KRT73: variants seen among roughly 807,000 people sequenced by gnomAD.
The protein encoded by KRT73 is keratin, type II cytoskeletal 73.
Under a neutral mutation model 47.2 loss-of-function variants are expected in KRT73, and 44 were observed. The observed-to-expected ratio is 0.93, with a 90% CI of 0.73 to 1.20. The LOEUF is 1.20. Among genes scored for constraint, KRT73 ranks in the 50% most tolerant of loss-of-function variants. The probability of loss-of-function intolerance (pLI) is 0.00; values close to 1 mark genes in which losing one functional copy is unlikely to be tolerated. For synonymous variants in KRT73, 285 were observed against 291.3 expected (o/e 0.98, Z 0.22); for missense variants, 713 against 704.5 (o/e 1.01, Z -0.14).
chr12:52,620,109 CTTTT>C (rs10638831), upstream of KRT73, among the ~76,000 whole-genome samples: 3 of 94,428 alleles, frequency 3.2e-5, no homozygotes, highest in East Asian at 2.8e-4. Flanking sequence ...TCCTTTTTTT[CTTTT>C]TTTTTTTTTT....
chr12:52,610,535 TC>T (rs372663689), intron 7 of KRT73, 79 bp downstream of exon 7: 9 of 203,996 alleles, frequency 4.4e-5, no homozygotes, highest in East Asian at 1.6e-4. Flanking sequence ...CGCCGCCCCC[TC>T]CCCCCCGCCC....
In KRT73 at chr12:52,618,203, T is replaced by C. The variant is rs768983328; in HGVS notation, c.322A>G (p.Thr108Ala). ...LCPPGGIHQV[T>A]INKSLLAPLN... is the part of the protein sequence containing the mutation. Reference sequence around the variant, plus strand: ...GGTGCCAGGAGGCTCTTGTTGATGGTGACCTGATGGATACCCCCGGGCGGG... The same window carrying C: ...GGTGCCAGGAGGCTCTTGTTGATGGCGACCTGATGGATACCCCCGGGCGGG... The change falls in exon 1 of 9, where the codon ACC becomes GCC. Residue 108 changes from threonine (T) to alanine (A), a missense_variant. Thr to Ala is a moderately conservative substitution (Grantham distance 58). Coordinates refer to ENST00000305748, the MANE Select transcript of KRT73 (RefSeq NM_175068.3). 4.3e-6 allele frequency: 7 copies of C among 1,613,938 alleles called. No individual in the cohort carries two copies. The highest frequency in any genetic ancestry group is 1.3e-5 in the African/African-American group (1 of 74,892).
At chr12:52,617,638 GC>G (rs1232335829) in intron 1 of KRT73, among the ~76,000 whole-genome samples, 2 of 152,154 alleles carry the variant, frequency 1.3e-5, no homozygotes, top group African/African-American at 4.8e-5. Flanking sequence ...CCTTCGCCTA[GC>G]TTCTAAGTCT....
chr12:52,614,584 C>G lies in KRT73; in HGVS notation c.814G>C (p.Glu272Gln), dbSNP rs777696701. 8.1e-6 allele frequency: 13 copies of G among 1,613,506 alleles called. No individual in the cohort carries two copies. In the South Asian group the frequency reaches 1.4e-4, roughly 18 times the overall value. Residue 272 changes from glutamate (E) to glutamine (Q), a missense_variant, in exon 4 of 9, where the codon GAG becomes CAG. By Grantham distance (29) the Glu-to-Gln change is conservative. Coordinates refer to ENST00000305748, the MANE Select transcript of KRT73 (RefSeq NM_175068.3). ...GEIKFFKCLYEGETAQIQSHI... is the reference protein window; with the variant it reads ...GEIKFFKCLYQGETAQIQSHI... Reference sequence around the variant, plus strand: ...TGGGGCAGGGGGAGCCTTACCCCCTCGTACAGACACTTGAAGAACTTGATT... The same window carrying G: ...TGGGGCAGGGGGAGCCTTACCCCCTGGTACAGACACTTGAAGAACTTGATT...
the KRT73 span, among the ~76,000 whole-genome samples, chr12:52,629,383 C>A: frequency 6.8e-6 from 1 of 146,244 alleles, no homozygotes; most frequent in Non-Finnish European, 1.5e-5. Flanking sequence ...CAGCAAGGGC[C>A]CTGAAGGCAG....
Position 52,618,221 on chromosome 12 carries a change from C to A in KRT73, c.304G>T (p.Gly102Trp). 2 of 1,614,140 alleles carry A rather than the reference C, an allele frequency of 1.2e-6. No individual in the cohort carries two copies. The highest frequency in any genetic ancestry group is 1.7e-6 in the Non-Finnish European group (2 of 1,180,010). Residue 102 changes from glycine to tryptophan, a missense_variant, in exon 1 of 9, where the codon GGG (glycine) becomes TGG (tryptophan). Physicochemically the swap from Gly to Trp is radical, Grantham distance 184. Transcript: ENST00000305748. ...TTGATGGTGACCTGATGGATACCCC[C>A]GGGCGGGCACAACGACGGACACACG... is the stretch of plus-strand genomic sequence containing the variant. ...GSVCPSLCPP[G>W]GIHQVTINKS...
the KRT73 span, among the ~76,000 whole-genome samples, chr12:52,629,974 C>T: frequency 0.022 from 3,415 of 152,260 alleles, 241 homozygotes; most frequent in Admixed American, 0.15. Flanking sequence ...TTTCCAAGCC[C>T]GGGATCAATA....
rs767608576 is a variant in KRT73 at position 52,611,250 on chromosome 12, CGG to C, written c.1062_1063del (p.Arg355SerfsTer10). 8 of 1,614,054 alleles carry C rather than the reference CGG, an allele frequency of 5.0e-6. No individual in the cohort carries two copies. In the East Asian group the frequency reaches 1.8e-4, roughly 36 times the overall value. ...CTCCGAGCGCAGTCTTTGGATGAGACGGGTCAGCTCTGAGATCTCATTTTTGG... is the reference window on the plus strand; with the variant it reads ...CTCCGAGCGCAGTCTTTGGATGAGACGTCAGCTCTGAGATCTCATTTTTGG... On this transcript the variant is annotated frameshift_variant, in exon 6 of 9. Coordinates refer to ENST00000305748, the MANE Select transcript of KRT73 (RefSeq NM_175068.3). LOFTEE classifies it high-confidence loss of function.
At chr12:52,614,974 G>A (rs1940785233) in intron 3 of KRT73, 1 of 530,486 alleles carries the variant, frequency 1.9e-6, no homozygotes, top group Admixed American at 3.4e-5. Context: ...ACGGCGATTT[G>A]CCAGAAACTA....
chr12:52,628,147 G>A, the KRT73 span, among the ~76,000 whole-genome samples: 1 of 152,114 alleles, frequency 6.6e-6, no homozygotes, highest in South Asian at 2.1e-4. Flanking sequence ...CAGGGCTCTA[G>A]TCACACCCCT....
chr12:52,611,345 C>T lies in KRT73; in HGVS notation c.985-16G>A. ...GCTCCTGGAACTAGAGGAAAAGGAA[C>T]CAAAGCAAGAACACTGACTCAGGGC... is the stretch of plus-strand genomic sequence containing the variant. On this transcript the variant is annotated splice_polypyrimidine_tract_variant and intron_variant, in intron 5 of 8. Coordinates refer to ENST00000305748, the MANE Select transcript of KRT73 (RefSeq NM_175068.3). The T allele has an allele frequency of 1.2e-6, 2 of 1,613,944 alleles. No homozygotes were observed. The highest frequency in any genetic ancestry group is 1.7e-6 in the Non-Finnish European group (2 of 1,179,972).
At chr12:52,630,043 T>C in the KRT73 span, among the ~76,000 whole-genome samples, 1 of 152,134 alleles carries the variant, frequency 6.6e-6, no homozygotes, top group Non-Finnish European at 1.5e-5. Flanking sequence ...CCAGCCTTTC[T>C]CAACAGCAGG....
intron 7 of KRT73, among the ~76,000 whole-genome samples, chr12:52,609,559 A>G (rs1392388720): frequency 6.6e-6 from 1 of 152,208 alleles, no homozygotes; most frequent in East Asian, 1.9e-4. Flanking sequence ...TCTTGAACCC[A>G]TTTCTTTACT....
At position 52,618,280 on chromosome 12, in the gene KRT73, G is replaced by A. The variant is rs1266597163; in HGVS notation, c.245C>T (p.Ala82Val). ...GGCCACACTGCCAAACATGCTGCCAGCAAAGCCACTGGCCCGGCCCCGGCC... is the reference window on the plus strand; with the variant it reads ...GGCCACACTGCCAAACATGCTGCCAACAAAGCCACTGGCCCGGCCCCGGCC... ...GFGRGRASGF[A>V]GSMFGSVALG... The change falls in exon 1 of 9, where the codon GCT (alanine) becomes GTT (valine). Residue 82 changes from alanine to valine, a missense_variant. By Grantham distance (64) the Ala-to-Val change is moderately conservative (BLOSUM62 0). Coordinates refer to ENST00000305748, the MANE Select transcript of KRT73 (RefSeq NM_175068.3). The A allele has an allele frequency of 1.2e-6, 2 of 1,614,196 alleles. No homozygotes were observed. Among genetic ancestry groups the A allele is most frequent in the South Asian group, 2.2e-5 (2 of 91,076 alleles).
rs1565628624 is a variant in KRT73 at position 52,611,231 on chromosome 12, G to A, written c.1083C>T (p.Arg361=). The change falls in exon 6 of 9, where the codon CGC becomes CGT. Residue 361 remains arginine (R), a synonymous_variant. Coordinates refer to ENST00000305748, the MANE Select transcript of KRT73 (RefSeq NM_175068.3). ...SELTRLIQRL[R]SEIESVKKQC... The stretch of plus-strand genomic sequence containing the variant: ...GCTTCTTCACACTCTCAATCTCCGA[G>A]CGCAGTCTTTGGATGAGACGGGTCA... 1.2e-6 allele frequency: 2 copies of A among 1,614,192 alleles called. No homozygotes were observed.
the KRT73 span, among the ~76,000 whole-genome samples, chr12:52,628,950 C>T: frequency 1.3e-5 from 2 of 152,194 alleles, no homozygotes; most frequent in Non-Finnish European, 2.9e-5. Flanking sequence ...GAGGGAGACC[C>T]ACAGGTTTCT....
chr12:52,614,812 G>C, intron 3 of KRT73, 138 bp from the exon 4 acceptor site: 1 of 648,006 alleles, frequency 1.5e-6, no homozygotes, highest in Middle Eastern at 4.3e-4. Context: ...CGGCCTTCCA[G>C]CCACAACTTC....
intron 5 of KRT73, among the ~76,000 whole-genome samples, chr12:52,613,155 A>C (rs1186725671): frequency 6.6e-6 from 1 of 152,220 alleles, no homozygotes; most frequent in Non-Finnish European, 1.5e-5. Flanking sequence ...GGAAGTTGCC[A>C]TCTTGATCTG....
At chr12:52,626,447 T>A in the KRT73 span, among the ~76,000 whole-genome samples, 1 of 151,748 alleles carries the variant, frequency 6.6e-6, no homozygotes, top group South Asian at 2.1e-4. Context: ...GAGAGTTTCT[T>A]AAACTTCCTC....
Sources: gnomAD v4.1 joint callset for allele counts (sites outside exome capture counted in the v4.1 genomes callset) on GRCh38, gnomAD v4.1.1 for gene constraint, MANE v1.5 for transcripts, NCBI Gene and HGNC (gene_info 2026-07-23, HGNC 2026-07-21) for gene names.